Variants in CARMIL3 observed in about 807,000 individuals in gnomAD.
The protein encoded by CARMIL3 is capping protein regulator and myosin 1 linker 3.
Under a neutral mutation model 180.8 loss-of-function variants are expected in CARMIL3, and 88 were observed. The ratio of observed to expected loss-of-function variants is 0.49; its 90% CI spans 0.41 to 0.58. The LOEUF (loss-of-function observed/expected upper bound fraction) is 0.58. Among genes scored for constraint, CARMIL3 ranks in the 20% least tolerant of loss-of-function variants. The probability of loss-of-function intolerance (pLI) is 0.00; values close to 1 mark genes in which losing one functional copy is unlikely to be tolerated. For missense variants in CARMIL3, 1,548 were observed against 1,787.0 expected (o/e 0.87, Z 2.41); for synonymous variants, 696 against 714.5 (o/e 0.97, Z 0.41).
Position 24,061,797 on chromosome 14 carries a change from T to A in CARMIL3, c.2480+125T>A. The A allele has an allele frequency of 1.8e-6, 2 of 1,105,518 alleles. No homozygotes were observed. The highest frequency in any genetic ancestry group is 2.5e-6 in the Non-Finnish European group (2 of 789,056). The allele number at this position is 1,105,518 out of a possible 1,614,324, so 68.5% of individuals were successfully genotyped here. A position where few individuals can be genotyped will look rare whatever the true frequency, so the allele number is the denominator to read the frequency against. ...CAATCTCCATTACAAGGATCAATCT[T>A]TAACCAAGTGCAACCTTGCTATTTA... On this transcript the variant is annotated intron_variant, in intron 27 of 39. Coordinates refer to ENST00000342740, the MANE Select transcript of CARMIL3 (RefSeq NM_138360.4). This position sits in a 1 kb window ranked among gnomAD's most constrained non-coding sequence, Gnocchi z 4.1.
chr14:24,065,877 G>C, intron 34 of CARMIL3, 127 bp downstream of exon 34: 1 of 1,361,518 alleles, frequency 7.3e-7, no homozygotes, highest in Non-Finnish European at 1.0e-6. Flanking sequence ...GAAGATGTTA[G>C]CTGCTCTTCA....
At chr14:24,062,265 T>C in intron 27 of CARMIL3, 1 of 596,674 alleles carries the variant, frequency 1.7e-6, no homozygotes, top group Non-Finnish European at 3.0e-6. Context: ...CCACACATAG[T>C]TGGGCTGGGG....
rs564152177 is a variant in CARMIL3, at chr14:24,056,197, C to T, written c.771-102C>T. The T allele has an allele frequency of 8.6e-6, 8 of 930,498 alleles. No homozygotes were observed. In the African/African-American group the frequency reaches 1.3e-4, roughly 15 times the overall value. The allele number at this position is 930,498 out of a possible 1,614,324, so 57.6% of individuals were successfully genotyped here. ...TTCCCCTGTTGTGGGGGCCTCTGAC[C>T]ATGCAGCCCCAGCCAGGCAGTCAGG... On this transcript the variant is annotated intron_variant, in intron 10 of 39. Coordinates refer to ENST00000342740, the MANE Select transcript of CARMIL3 (RefSeq NM_138360.4).
In CARMIL3 at chr14:24,065,641, CA is replaced by C. The variant is rs757774246; in HGVS notation, c.3417del (p.Glu1141ArgfsTer87). 6.2e-7 allele frequency: 1 copy of C among 1,612,692 alleles called. No homozygotes were observed. The highest frequency in any genetic ancestry group is 1.7e-5 in the Admixed American group (1 of 59,810). On this transcript the variant is annotated frameshift_variant, in exon 34 of 40. Coordinates refer to ENST00000342740, the MANE Select transcript of CARMIL3 (RefSeq NM_138360.4). LOFTEE classifies it high-confidence loss of function. ...TTCTAGGGCACTGAGGGGTCAGAGCCAGGGGAGGGGGGCCCAGCCCCTGGGA... is the reference window on the plus strand; with the variant it reads ...TTCTAGGGCACTGAGGGGTCAGAGCCGGGGAGGGGGGCCCAGCCCCTGGGA... ...RRKMGTEGSE[P>X]GEGGPAPGTA...
chr14:24,069,064 G>T (rs1401157430), intron 38 of CARMIL3, 73 bp from the exon 39 acceptor site: 2 of 1,597,376 alleles, frequency 1.3e-6, no homozygotes, highest in African/African-American at 2.7e-5. Flanking sequence ...TGACAACCAG[G>T]AGTCACAGCC....
Position 24,054,097 on chromosome 14 carries a change from T to G in CARMIL3, c.145T>G (p.Ser49Ala). Residue 49 changes from serine (S) to alanine (A), a missense_variant, in exon 3 of 40, where the codon TCC (serine) becomes GCC (alanine). Transcript: ENST00000342740. This position sits in a 1 kb window ranked among gnomAD's most constrained non-coding sequence, Gnocchi z 5.1. ...TTTCCTCTCTCTGTAGGCCCTGACC[T>G]CCTGGCGCCTCCACCTCTTCCTCCT... ...KFEDRVLALT[S>A]WRLHLFLLKV... The G allele has an allele frequency of 1.2e-5, 19 of 1,613,846 alleles. No homozygotes were observed. Among genetic ancestry groups the G allele is most frequent in the Non-Finnish European group, 1.6e-5 (19 of 1,179,998 alleles).
chr14:24,062,442 G>A, intron 27 of CARMIL3, 38 bp from the exon 28 acceptor site: 1 of 1,572,056 alleles, frequency 6.4e-7, no homozygotes. Context: ...GGGGGACTGA[G>A]GTGCTAATGT....
chr14:24,052,059 C>T lies in CARMIL3; in HGVS notation c.-95C>T, dbSNP rs1184478552. On this transcript the variant is annotated 5_prime_UTR_variant, in exon 1 of 40. Coordinates refer to ENST00000342740, the MANE Select transcript of CARMIL3 (RefSeq NM_138360.4). ...GCTCGGCCGCTGCTGCAGCGCTCAGCGCCCGGGCCCTGCTGAAGCCGGGTC... is the reference window on the plus strand; with the variant it reads ...GCTCGGCCGCTGCTGCAGCGCTCAGTGCCCGGGCCCTGCTGAAGCCGGGTC... 14 of 1,309,644 alleles carry T rather than the reference C, an allele frequency of 1.1e-5. No individual in the cohort carries two copies. Among genetic ancestry groups the T allele is most frequent in the Non-Finnish European group, 1.4e-5 (14 of 996,038 alleles). The allele number at this position is 1,309,644 out of a possible 1,614,324, so 81.1% of individuals were successfully genotyped here.
At position 24,061,341 on chromosome 14, in the gene CARMIL3, C is replaced by G. The variant is rs1014013973; in HGVS notation, c.2305-156C>G. 1 of 758,970 alleles carries G rather than the reference C, an allele frequency of 1.3e-6. No homozygotes were observed. 47.0% of individuals were successfully genotyped at this position (758,970 alleles called of 1,614,324 possible). On this transcript the variant is annotated intron_variant, in intron 26 of 39. Transcript: ENST00000342740. This position sits in a 1 kb window ranked among gnomAD's most constrained non-coding sequence, Gnocchi z 4.1. ...AGCACTGACCAGAAAGTGGGGAAGCCTTAGTGTCCAAGGCTCTGCCACTAA... is the reference window on the plus strand; with the variant it reads ...AGCACTGACCAGAAAGTGGGGAAGCGTTAGTGTCCAAGGCTCTGCCACTAA...
Position 24,066,613 on chromosome 14 carries a change from A to G in CARMIL3, c.3639A>G (p.Pro1213=), listed in dbSNP as rs774482370. The change falls in exon 36 of 40, where the codon CCA becomes CCG. Residue 1213 remains proline, a synonymous_variant. Coordinates refer to ENST00000342740, the MANE Select transcript of CARMIL3 (RefSeq NM_138360.4). ...KPPPPPQSTK[P]SFSAMRRAEA... is the part of the protein sequence containing the mutation. ...CACCACCGCCCCAAAGCACCAAACC[A>G]AGCTTCAGCGCCATGCGCAGAGCAG... The G allele has an allele frequency of 1.2e-6, 2 of 1,614,164 alleles. No homozygotes were observed. The highest frequency in any genetic ancestry group is 8.5e-7 in the Non-Finnish European group (1 of 1,180,022).
At position 24,063,103 on chromosome 14, in the gene CARMIL3, C is replaced by G. The variant is rs755379858; in HGVS notation, c.2707-17C>G. On this transcript the variant is annotated splice_polypyrimidine_tract_variant and intron_variant, in intron 29 of 39. Coordinates refer to ENST00000342740, the MANE Select transcript of CARMIL3 (RefSeq NM_138360.4). ...GGGTGAGGTGCCTGGCCCTGCCACTCGTCTTCATTTCTGCAGGACACCATG... is the reference window on the plus strand; with the variant it reads ...GGGTGAGGTGCCTGGCCCTGCCACTGGTCTTCATTTCTGCAGGACACCATG... 1 of 1,609,254 alleles carries G rather than the reference C, an allele frequency of 6.2e-7. No homozygotes were observed.
rs2035642176 is a variant in CARMIL3 at position 24,053,732 on chromosome 14, C to A, written c.64C>A (p.Gln22Lys). 5 of 1,613,108 alleles carry A rather than the reference C, an allele frequency of 3.1e-6. No individual in the cohort carries two copies. In the East Asian group the frequency reaches 8.9e-5, roughly 29 times the overall value. ...LQDSIRRCLS[Q>K]GAVLQQHHVK... ...AGACAGCATCCGGAGGTGCCTGAGCCAAGGGGCCGTGCTCCAACAACATCA... is the reference window on the plus strand; with the variant it reads ...AGACAGCATCCGGAGGTGCCTGAGCAAAGGGGCCGTGCTCCAACAACATCA... Residue 22 changes from glutamine to lysine, a missense_variant, in exon 2 of 40, where the codon CAA (glutamine) becomes AAA (lysine). Transcript: ENST00000342740.
chr14:24,056,152 C>G (rs932735098), intron 10 of CARMIL3, 147 bp from the exon 11 acceptor site: 1 of 646,712 alleles, frequency 1.5e-6, no homozygotes, highest in Non-Finnish European at 2.7e-6. Flanking sequence ...GTGACAAGCT[C>G]CCTGGCAGGC....
chr14:24,068,509 G>T (rs1033110643), intron 36 of CARMIL3, 75 bp from the exon 37 acceptor site: 6 of 1,354,796 alleles, frequency 4.4e-6, no homozygotes, highest in Non-Finnish European at 5.1e-6. Flanking sequence ...CAGGGCTTCA[G>T]TGGAGAGAGG....
At position 24,054,178 on chromosome 14, in the gene CARMIL3, C is replaced by T; in HGVS notation, c.186+40C>T. ...GGAGCAGGAGAGCACCTGGCATGCT[C>T]CCTACCTCCCAAGCCTGGCAACCCA... On this transcript the variant is annotated intron_variant, in intron 3 of 39. Coordinates refer to ENST00000342740, the MANE Select transcript of CARMIL3 (RefSeq NM_138360.4). This position sits in a 1 kb window ranked among gnomAD's most constrained non-coding sequence, Gnocchi z 5.1. 1 of 1,614,150 alleles carries T rather than the reference C, an allele frequency of 6.2e-7. No individual in the cohort carries two copies. The highest frequency in any genetic ancestry group is 8.5e-7 in the Non-Finnish European group (1 of 1,179,992).
At position 24,059,664 on chromosome 14, in the gene CARMIL3, A is replaced by G. The variant is rs2138740280; in HGVS notation, c.1800A>G (p.Arg600=). 1 of 1,613,932 alleles carries G rather than the reference A, an allele frequency of 6.2e-7. No homozygotes were observed. Among genetic ancestry groups the G allele is most frequent in the African/African-American group, 1.3e-5 (1 of 74,996 alleles). ...SKALQINSSL[R]TILWDRNNTS... ...AAACTGGTGCTTACCCTCCCCCCAG[A>G]ACTATCCTATGGGATCGGAACAATA... Residue 600 remains arginine, a splice_region_variant and synonymous_variant, in exon 22 of 40, where the codon AGA becomes AGG. Coordinates refer to ENST00000342740, the MANE Select transcript of CARMIL3 (RefSeq NM_138360.4). This position sits in a 1 kb window ranked among gnomAD's most constrained non-coding sequence, Gnocchi z 6.3.
chr14:24,055,087 C>G lies in CARMIL3; in HGVS notation c.482C>G (p.Ala161Gly). The G allele has an allele frequency of 6.2e-7, 1 of 1,613,688 alleles. No individual in the cohort carries two copies. Among genetic ancestry groups the G allele is most frequent in the Non-Finnish European group, 8.5e-7 (1 of 1,180,020 alleles). The change falls in exon 7 of 40, where the codon GCT (alanine) becomes GGT (glycine). Residue 161 changes from alanine (A) to glycine (G), a missense_variant. Coordinates refer to ENST00000342740, the MANE Select transcript of CARMIL3 (RefSeq NM_138360.4). ...SVCGGFSETY[A>G]ALCDYNGLHC... is the part of the protein sequence containing the mutation. ...ACAGGTGGCTTCTCTGAGACCTACG[C>G]TGCTCTGTGTGACTACAATGGGCTA...
Position 24,066,550 on chromosome 14 carries a change from C to T in CARMIL3, c.3593-17C>T, listed in dbSNP as rs926946102. 4.3e-6 allele frequency: 7 copies of T among 1,613,454 alleles called. No homozygotes were observed. Among genetic ancestry groups the T allele is most frequent in the African/African-American group, 4.0e-5 (3 of 74,926 alleles). Reference sequence around the variant, plus strand: ...TTCCCTTTCTCCTCTCTTTCTCATCCCCTCTCTCTACTCCAGGGCCTGGAT... The same window carrying T: ...TTCCCTTTCTCCTCTCTTTCTCATCTCCTCTCTCTACTCCAGGGCCTGGAT... On this transcript the variant is annotated splice_polypyrimidine_tract_variant and intron_variant, in intron 35 of 39. Transcript: ENST00000342740.
intron 31 of CARMIL3, 129 bp downstream of exon 31, chr14:24,063,662 A>G (rs1353557532): frequency 2.4e-6 from 2 of 849,158 alleles, no homozygotes; most frequent in Non-Finnish European, 3.5e-6. Flanking sequence ...AGGCATGCCA[A>G]TGAACAGATG....
Sources: allele counts gnomAD v4.1 joint callset, GRCh38; gene constraint gnomAD v4.1.1; non-coding constraint Gnocchi (gnomAD v3.1); transcripts MANE v1.5; gene names NCBI Gene and HGNC (gene_info 2026-07-23, HGNC 2026-07-21).